PCSK5: variants seen among roughly 807,000 people sequenced by gnomAD.
PCSK5 encodes prohormone convertase 5.
PCSK5 carries 129 observed loss-of-function variants against 233.2 expected under a neutral mutation model. That is an observed-to-expected ratio of 0.55 (90% confidence interval 0.48 to 0.64). The LOEUF (loss-of-function observed/expected upper bound fraction) is 0.64, where lower values mean the gene tolerates loss of function less well. Among genes scored for constraint, PCSK5 ranks in the 30% least tolerant of loss-of-function variants. The probability of loss-of-function intolerance (pLI) is 0.00; values close to 1 mark genes in which losing one functional copy is unlikely to be tolerated. For synonymous variants in PCSK5, 825 were observed against 879.2 expected, an observed-to-expected ratio of 0.94 and a Z score of 1.09; for missense variants, 2,076 against 2,430.1, an observed-to-expected ratio of 0.85 and a Z score of 3.06.
intron 3 of PCSK5, among the ~76,000 whole-genome samples, chr9:76,003,364 C>T (rs1010985578): frequency 4.6e-5 from 7 of 152,144 alleles, no homozygotes; most frequent in African/African-American, 1.7e-4. Flanking sequence ...TAGAGCGAGA[C>T]CCTGTCTCAA....
At chr9:76,221,275 C>A (rs1347037124) in intron 20 of PCSK5, among the ~76,000 whole-genome samples, 1 of 152,268 alleles carries the variant, frequency 6.6e-6, no homozygotes. Context: ...CTTTTTGATG[C>A]CCTTACCTCA....
At chr9:76,219,826 G>C (rs115478671) in intron 20 of PCSK5, among the ~76,000 whole-genome samples, 4 of 152,270 alleles carry the variant, frequency 2.6e-5, no homozygotes, top group South Asian at 2.1e-4. Context: ...TCAGGTTGTC[G>C]GCGCTGCTTT....
At chr9:76,302,279 C>A in intron 28 of PCSK5, 62 bp downstream of exon 28, 1 of 752,660 alleles carries the variant, frequency 1.3e-6, no homozygotes. Flanking sequence ...AGATGGTCTC[C>A]GTGGAGAAAT....
chr9:76,252,647 T>C (rs1261275546), intron 24 of PCSK5, among the ~76,000 whole-genome samples: 1 of 152,194 alleles, frequency 6.6e-6, no homozygotes, highest in Non-Finnish European at 1.5e-5. Flanking sequence ...CAAAGGACCT[T>C]CGTGCTCTGT....
At chr9:76,255,294 TA>T (rs1035873044) in intron 24 of PCSK5, among the ~76,000 whole-genome samples, 1 of 151,586 alleles carries the variant, frequency 6.6e-6, no homozygotes, top group South Asian at 2.1e-4. Flanking sequence ...CTCAAAAAAA[TA>T]AAAAAAATAA....
intron 3 of PCSK5, among the ~76,000 whole-genome samples, chr9:75,987,211 TC>T (rs1426124826): frequency 6.6e-6 from 1 of 152,014 alleles, no homozygotes; most frequent in African/African-American, 2.4e-5. Flanking sequence ...TCCCTGCCCT[TC>T]CCCACCTCCT....
chr9:76,219,397 T>C (rs535059111), intron 20 of PCSK5, among the ~76,000 whole-genome samples: 15 of 152,190 alleles, frequency 9.9e-5, no homozygotes, highest in East Asian at 7.7e-4. Context: ...GGGAGGTTCA[T>C]TGGGTTGCTA....
At chr9:76,212,808 G>C (rs1825380984) in intron 20 of PCSK5, among the ~76,000 whole-genome samples, 1 of 152,144 alleles carries the variant, frequency 6.6e-6, no homozygotes, top group African/African-American at 2.4e-5. Context: ...CTGAGGTAGG[G>C]TTATTTTTAT....
chr9:76,279,571 C>T (rs557353667), intron 24 of PCSK5, among the ~76,000 whole-genome samples: 2 of 151,832 alleles, frequency 1.3e-5, no homozygotes, highest in East Asian at 3.9e-4. Flanking sequence ...CTCTCCAGCA[C>T]CTGTTGTTTC....
chr9:75,969,004 G>C (rs1295740981), intron 2 of PCSK5, among the ~76,000 whole-genome samples: 1 of 149,210 alleles, frequency 6.7e-6, no homozygotes, highest in Non-Finnish European at 1.5e-5. Flanking sequence ...CACTACAATG[G>C]GGAAACCTCA....
intron 33 of PCSK5, among the ~76,000 whole-genome samples, chr9:76,328,762 G>C (rs1369601661): frequency 6.6e-6 from 1 of 151,974 alleles, no homozygotes; most frequent in Non-Finnish European, 1.5e-5. Flanking sequence ...TGCCCCTTTA[G>C]GATTCAGGCT....
intron 7 of PCSK5, among the ~76,000 whole-genome samples, chr9:76,074,689 C>T (rs368104582): frequency 2.0e-5 from 3 of 152,224 alleles, no homozygotes; most frequent in South Asian, 4.1e-4. Context: ...TAAGGTAGGG[C>T]ACTAATAGTA....
intron 9 of PCSK5, among the ~76,000 whole-genome samples, chr9:76,126,677 T>C (rs7041746): frequency 0.47 from 70,722 of 151,602 alleles, 16,880 homozygotes; most frequent in Admixed American, 0.52. Context: ...AAGTGAAACA[T>C]GTCAGACACG....
chr9:76,232,066 T>C (rs1826105472), intron 21 of PCSK5, among the ~76,000 whole-genome samples: 1 of 152,168 alleles, frequency 6.6e-6, no homozygotes, highest in African/African-American at 2.4e-5. Context: ...CAGGATGCCT[T>C]GTCCCACCCA....
At chr9:76,230,120 T>G (rs1457400730) in intron 21 of PCSK5, among the ~76,000 whole-genome samples, 1 of 152,210 alleles carries the variant, frequency 6.6e-6, no homozygotes, top group Admixed American at 6.5e-5. Flanking sequence ...ACTGTGGCCA[T>G]TTGAAATGGG....
rs112063218 is a variant in PCSK5, at chr9:76,045,601, G to A, written c.632+18564G>A. On this transcript the variant is annotated intron_variant, in intron 5 of 37. Transcript: ENST00000674117. ...AGGACACAGTTTTATGATTGTCTGA[G>A]CTATTGACAGATGACTGTCAGATGA... 6.6e-3 allele frequency among the ~76,000 whole-genome samples: 999 copies of A among 152,336 alleles called. 10 individuals carry two copies. Among genetic ancestry groups the A allele is most frequent in the African/African-American group, 0.022 (901 of 41,570 alleles).
At chr9:76,035,188 T>C (rs950918160) in intron 5 of PCSK5, among the ~76,000 whole-genome samples, 9 of 152,236 alleles carry the variant, frequency 5.9e-5, no homozygotes, top group Admixed American at 2.0e-4. Flanking sequence ...AGTATGTTTG[T>C]TCTTTAGCCT....
intron 7 of PCSK5, among the ~76,000 whole-genome samples, chr9:76,073,132 G>A (rs1830534997): frequency 6.6e-6 from 1 of 152,178 alleles, no homozygotes; most frequent in Non-Finnish European, 1.5e-5. Context: ...GCGAACCACA[G>A]GGTTGTTAAA....
At chr9:76,114,333 C>T (rs530675068) in intron 9 of PCSK5, among the ~76,000 whole-genome samples, 1 of 152,292 alleles carries the variant, frequency 6.6e-6, no homozygotes, top group South Asian at 2.1e-4. Flanking sequence ...CACGGGCCTT[C>T]TGCCAGGACT....
Sources: allele counts gnomAD v4.1 joint callset (sites outside exome capture counted in the v4.1 genomes callset), GRCh38; gene constraint gnomAD v4.1.1; transcripts MANE v1.5; gene names NCBI Gene and HGNC (gene_info 2026-07-23, HGNC 2026-07-21).